DDR2: variants seen among roughly 807,000 people sequenced by gnomAD.
DDR2 encodes discoidin domain-containing receptor 2.
In DDR2, 27 loss-of-function variants were observed where a neutral mutation model predicts 94.9. The ratio of observed to expected loss-of-function variants is 0.28; its 90% CI spans 0.21 to 0.39. The LOEUF is 0.39. Among genes scored for constraint, DDR2 ranks in the 10% least tolerant of loss-of-function variants. The pLI is 1.00. For synonymous variants in DDR2, 382 were observed against 377.2 expected (o/e 1.01, Z -0.15); for missense variants, 783 against 1,076.0 (o/e 0.73, Z 3.81).
At chr1:162,776,865 A>G (rs1470334559) in intron 16 of DDR2, among the ~76,000 whole-genome samples, 1 of 152,140 alleles carries the variant, frequency 6.6e-6, no homozygotes, top group South Asian at 2.1e-4. Flanking sequence ...ATAAGTGAGT[A>G]ATTTTTCCCA....
At chr1:162,765,749 T>C (rs561417889) in intron 9 of DDR2, among the ~76,000 whole-genome samples, 2 of 150,174 alleles carry the variant, frequency 1.3e-5, no homozygotes, top group Admixed American at 6.7e-5. Context: ...AATCACTGTT[T>C]CTTAAACTTT....
At chr1:162,689,642 C>A (rs1256012774) in intron 2 of DDR2, among the ~76,000 whole-genome samples, 1 of 150,530 alleles carries the variant, frequency 6.6e-6, no homozygotes. Flanking sequence ...TGTAAATTGT[C>A]ATTTAAAAAG....
At chr1:162,658,120 A>G (rs1446223476) in intron 2 of DDR2, among the ~76,000 whole-genome samples, 2 of 152,178 alleles carry the variant, frequency 1.3e-5, no homozygotes, top group African/African-American at 4.8e-5. Context: ...CTTAGTCTTC[A>G]TTAGTTAGAA....
intron 3 of DDR2, among the ~76,000 whole-genome samples, chr1:162,741,864 A>T (rs1662629637): frequency 6.6e-6 from 1 of 152,184 alleles, no homozygotes; most frequent in Non-Finnish European, 1.5e-5. Flanking sequence ...GGACTAAAAC[A>T]CTTAGCACAC....
intron 3 of DDR2, among the ~76,000 whole-genome samples, chr1:162,747,387 T>C (rs1397224435): frequency 6.6e-6 from 1 of 151,878 alleles, no homozygotes; most frequent in Non-Finnish European, 1.5e-5. Context: ...CAAGCTTCAG[T>C]AGCCAATTTG....
In DDR2 at chr1:162,759,876, G is replaced by T. The variant is rs1663631877; in HGVS notation, c.752G>T (p.Trp251Leu). Residue 251 changes from tryptophan (W) to leucine (L), a missense_variant, in exon 8 of 18, where the codon TGG (tryptophan) becomes TTG (leucine). Transcript: ENST00000367921. ...ACCCAGACCCATGAATACCACGTGT[G>T]GCCCGGCTATGACTATGTGGGCTGG... ...DFTQTHEYHV[W>L]PGYDYVGWRN... 6.2e-7 allele frequency: 1 copy of T among 1,614,062 alleles called. No individual in the cohort carries two copies. Among genetic ancestry groups the T allele is most frequent in the South Asian group, 1.1e-5 (1 of 91,088 alleles).
intron 2 of DDR2, among the ~76,000 whole-genome samples, chr1:162,668,958 A>G (rs1280412221): frequency 6.6e-6 from 1 of 152,248 alleles, no homozygotes. Context: ...AACATTATCC[A>G]TTCACAGAAA....
At chr1:162,774,549 A>G (rs977490670) in intron 14 of DDR2, among the ~76,000 whole-genome samples, 1 of 152,208 alleles carries the variant, frequency 6.6e-6, no homozygotes, top group African/African-American at 2.4e-5. Context: ...AATCTTTAAG[A>G]TACTGGTAAG....
intron 2 of DDR2, among the ~76,000 whole-genome samples, chr1:162,663,806 C>A (rs1009752831): frequency 2.2e-4 from 33 of 152,118 alleles, no homozygotes; most frequent in Admixed American, 2.6e-4. Flanking sequence ...GAACAAAAGC[C>A]AGTGATTGCA....
intron 3 of DDR2, among the ~76,000 whole-genome samples, chr1:162,740,124 A>G (rs1662517381): frequency 6.6e-6 from 1 of 152,226 alleles, no homozygotes; most frequent in African/African-American, 2.4e-5. Flanking sequence ...ACTGAGAAAT[A>G]AAAATGAATA....
chr1:162,747,137 G>A (rs1662913383), intron 3 of DDR2, among the ~76,000 whole-genome samples: 1 of 152,190 alleles, frequency 6.6e-6, no homozygotes, highest in South Asian at 2.1e-4. Context: ...CTCCTCAAGA[G>A]CAATGGAACA....
At chr1:162,692,025 G>A (rs575926642) in intron 2 of DDR2, among the ~76,000 whole-genome samples, 5 of 152,318 alleles carry the variant, frequency 3.3e-5, no homozygotes, top group South Asian at 2.1e-4. Context: ...CAGGTCATGG[G>A]GAAATGCCTT....
intron 2 of DDR2, among the ~76,000 whole-genome samples, chr1:162,692,670 G>A (rs984865771): frequency 6.6e-6 from 1 of 152,046 alleles, no homozygotes; most frequent in African/African-American, 2.4e-5. Context: ...TGAAAGAGTG[G>A]GAAATAATGT....
chr1:162,656,574 C>CTTCCTTCCTCCCTACTTTCCTTCCTCTT (rs1657975800), intron 2 of DDR2, among the ~76,000 whole-genome samples: 1 of 151,878 alleles, frequency 6.6e-6, no homozygotes, highest in South Asian at 2.1e-4. Flanking sequence ...CCCTCCCTTT[C>CTTCCTTCCTCCCTACTTTCCTTCCTCTT]TTCCTTCCTC....
At chr1:162,727,281 A>AAT (rs1219767029) in intron 3 of DDR2, among the ~76,000 whole-genome samples, 2 of 138,730 alleles carry the variant, frequency 1.4e-5, no homozygotes, top group East Asian at 4.0e-4. Flanking sequence ...TATAAATATA[A>AAT]ATATATATAT....
chr1:162,746,769 G>A (rs1333059336), intron 3 of DDR2, among the ~76,000 whole-genome samples: 1 of 152,236 alleles, frequency 6.6e-6, no homozygotes, highest in Non-Finnish European at 1.5e-5. Context: ...CTGAGATGAA[G>A]CTTCCAGAGG....
chr1:162,662,470 C>T (rs1414205517), intron 2 of DDR2, among the ~76,000 whole-genome samples: 1 of 152,222 alleles, frequency 6.6e-6, no homozygotes, highest in Non-Finnish European at 1.5e-5. Context: ...CGTCTGTTCT[C>T]ATACCACATT....
At chr1:162,636,619 A>T (rs890791354) in intron 1 of DDR2, among the ~76,000 whole-genome samples, 1 of 152,136 alleles carries the variant, frequency 6.6e-6, no homozygotes, top group Admixed American at 6.6e-5. Context: ...CACCACCATC[A>T]TTTTCTAGGG....
chr1:162,765,851 A>T (rs1663965487), intron 9 of DDR2, 150 bp from the exon 10 acceptor site: 3 of 766,204 alleles, frequency 3.9e-6, no homozygotes, highest in South Asian at 3.1e-5. Flanking sequence ...GTGATTTTTT[A>T]TTCAACGTAT....
Sources: allele counts gnomAD v4.1 joint callset (sites outside exome capture counted in the v4.1 genomes callset), GRCh38; gene constraint gnomAD v4.1.1; transcripts MANE v1.5; gene names NCBI Gene and HGNC (gene_info 2026-07-23, HGNC 2026-07-21).